The following ZAR1 variants were observed in gnomAD, a reference collection of about 807,000 sequenced individuals.
ZAR1 encodes zygote arrest 1.
ZAR1 carries 37 observed loss-of-function variants against 38.3 expected under a neutral mutation model. That is an observed-to-expected ratio of 0.97 (90% confidence interval 0.74 to 1.27). The LOEUF (loss-of-function observed/expected upper bound fraction) is 1.27, where lower values mean the gene tolerates loss of function less well. Ranked by LOEUF, ZAR1 falls within the 50% of genes most tolerant of loss-of-function variation. The pLI is 0.00. For missense variants in ZAR1, 651 were observed against 632.4 expected (o/e 1.03, Z -0.32); for synonymous variants, 336 against 292.0 (o/e 1.15, Z -1.53).
In ZAR1 at chr4:48,490,327, C is replaced by A; in HGVS notation, c.36C>A (p.Tyr12Ter). ...AALGDEVLDG[Y>*]VFPACPPCSY... ...TGGGGGACGAGGTGCTGGACGGTTA[C>A]GTGTTCCCGGCGTGCCCCCCCTGCT... Residue 12 changes from tyrosine to a stop codon, truncating the protein, a stop_gained, in exon 1 of 4, where the codon TAC becomes TAA. Coordinates refer to ENST00000327939, the MANE Select transcript of ZAR1 (RefSeq NM_175619.3). LOFTEE classifies it high-confidence loss of function. The A allele has an allele frequency of 6.6e-7, 1 of 1,514,084 alleles. No homozygotes were observed. Among genetic ancestry groups the A allele is most frequent in the South Asian group, 1.2e-5 (1 of 82,270 alleles). 93.8% of individuals were successfully genotyped at this position (1,514,084 alleles called of 1,614,324 possible). A position where few individuals can be genotyped will look rare whatever the true frequency, so the allele number is the denominator to read the frequency against.
chr4:48,491,861 C>T (rs932231205), intron 1 of ZAR1, among the ~76,000 whole-genome samples: 6 of 152,180 alleles, frequency 3.9e-5, no homozygotes, highest in Non-Finnish European at 8.8e-5. Context: ...TGTTGCTGCC[C>T]GAGGGCAGCA....
At position 48,493,072 on chromosome 4, in the gene ZAR1, G is replaced by T. The variant is rs1718490843; in HGVS notation, c.1131+60G>T. 6 of 1,512,334 alleles carry T rather than the reference G, an allele frequency of 4.0e-6. No individual in the cohort carries two copies. The South Asian group carries it at 6.8e-5, about 17-fold the overall frequency. 93.7% of individuals were successfully genotyped at this position (1,512,334 alleles called of 1,614,324 possible). A position where few individuals can be genotyped will look rare whatever the true frequency, so the allele number is the denominator to read the frequency against. ...GCAGTCGTCGAGGGTTTTTAGTATA[G>T]TTTGAGTATACTTCCAAAAAGAGGC... On this transcript the variant is annotated intron_variant, in intron 3 of 3. Coordinates refer to ENST00000327939, the MANE Select transcript of ZAR1 (RefSeq NM_175619.3).
chr4:48,496,795 G>A (rs559808085), downstream of ZAR1, among the ~76,000 whole-genome samples: 1 of 152,146 alleles, frequency 6.6e-6, no homozygotes, highest in Non-Finnish European at 1.5e-5. Flanking sequence ...TTTTCTAAAG[G>A]AACCATGGAT....
rs555231538 is a variant in ZAR1 at position 48,490,338 on chromosome 4, C to T, written c.47C>T (p.Ala16Val). 2 of 1,513,702 alleles carry T rather than the reference C, an allele frequency of 1.3e-6. No individual in the cohort carries two copies. Among genetic ancestry groups the T allele is most frequent in the African/African-American group, 1.4e-5 (1 of 69,436 alleles). 93.8% of individuals were successfully genotyped at this position (1,513,702 alleles called of 1,614,324 possible). The change falls in exon 1 of 4, where the codon GCG becomes GTG. Residue 16 changes from alanine (A) to valine (V), a missense_variant. Ala to Val is a moderately conservative substitution (Grantham distance 64, BLOSUM62 0). Transcript: ENST00000327939. ...DEVLDGYVFP[A>V]CPPCSYRYPY... ...GTGCTGGACGGTTACGTGTTCCCGG[C>T]GTGCCCCCCCTGCTCGTACCGGTAC...
chr4:48,491,721 TC>T (rs1384175928), intron 1 of ZAR1, among the ~76,000 whole-genome samples: 1 of 152,238 alleles, frequency 6.6e-6, no homozygotes, highest in Non-Finnish European at 1.5e-5. Flanking sequence ...TTCTGATTTC[TC>T]CTTTACGAGC....
At chr4:48,497,571 G>C (rs1718705420), downstream of ZAR1, 1 of 152,560 alleles carries the variant, frequency 6.6e-6, no homozygotes, top group Non-Finnish European at 1.5e-5. Context: ...CAAACCAACA[G>C]CTACAATGCT....
rs534944262 is a variant in ZAR1 at position 48,491,066 on chromosome 4, G to T, written c.775G>T (p.Gly259Cys). The T allele has an allele frequency of 1.1e-5, 14 of 1,312,834 alleles. No individual in the cohort carries two copies. The highest frequency in any genetic ancestry group is 1.3e-5 in the Non-Finnish European group (13 of 1,035,454). 81.3% of individuals were successfully genotyped at this position (1,312,834 alleles called of 1,614,324 possible). A position where few individuals can be genotyped will look rare whatever the true frequency, so the allele number is the denominator to read the frequency against. ...VRASWEQPAD[G>C]PELPPREAQE... ...AGCGAGCTGGGAGCAGCCGGCCGAC[G>T]GTCCCGAGCTGCCGCCGCGAGAGGC... Residue 259 changes from glycine to cysteine, a missense_variant, in exon 1 of 4, where the codon GGT becomes TGT. Gly to Cys is a radical substitution (Grantham distance 159). Around this residue, in one of 2 missense-constraint regions of ZAR1, gnomAD observed 522 missense variants for 459.9 expected, o/e 1.14. Transcript: ENST00000327939.
Position 48,494,369 on chromosome 4 carries a change from A to G in ZAR1, c.*125A>G. On this transcript the variant is annotated 3_prime_UTR_variant, in exon 4 of 4. Transcript: ENST00000327939. The stretch of plus-strand genomic sequence containing the variant: ...GCAGTGTATTCTGAAAAAGCCTTCA[A>G]ATAAAGGTATTGCAACACGATTTAT... The G allele has an allele frequency of 1.6e-6, 2 of 1,267,756 alleles. No homozygotes were observed. Among genetic ancestry groups the G allele is most frequent in the Non-Finnish European group, 2.2e-6 (2 of 904,380 alleles). 78.5% of individuals were successfully genotyped at this position (1,267,756 alleles called of 1,614,324 possible).
downstream of ZAR1, chr4:48,497,227 TAATA>T (rs1317119046): frequency 6.6e-6 from 1 of 152,144 alleles, no homozygotes; most frequent in Non-Finnish European, 1.5e-5. Context: ...CTAAATCAGG[TAATA>T]AATTAAGCAT....
chr4:48,491,351 G>A (rs1577772454), intron 1 of ZAR1, 97 bp downstream of exon 1: 1 of 995,126 alleles, frequency 1.0e-6, no homozygotes, highest in Non-Finnish European at 1.3e-6. Flanking sequence ...CGGAGGTGCG[G>A]CGCTTCCCTA....
In ZAR1 at chr4:48,490,874, G is replaced by A; in HGVS notation, c.583G>A (p.Glu195Lys). 1 of 1,438,176 alleles carries A rather than the reference G, an allele frequency of 7.0e-7. No individual in the cohort carries two copies. Among genetic ancestry groups the A allele is most frequent in the Non-Finnish European group, 9.1e-7 (1 of 1,099,436 alleles). The allele number at this position is 1,438,176 out of a possible 1,614,324, so 89.1% of individuals were successfully genotyped here. ...CTTGCGCCGTCTCACCGCCTTCCTG[G>A]AGGGGCCCGGGCCCGCGGCGGGCGA... ...LALRRLTAFL[E>K]GPGPAAGEQR... is the part of the protein sequence containing the mutation. The change falls in exon 1 of 4, where the codon GAG (glutamate) becomes AAG (lysine). Residue 195 changes from glutamate to lysine, a missense_variant. This residue lies in a region of ZAR1 where 522 missense variants were observed against 459.9 expected (regional missense o/e 1.14). Transcript: ENST00000327939.
chr4:48,493,973 A>G, intron 3 of ZAR1, 128 bp from the exon 4 acceptor site: 1 of 1,192,186 alleles, frequency 8.4e-7, no homozygotes, highest in Non-Finnish European at 1.1e-6. Flanking sequence ...GAGGGAAAAC[A>G]AGATTACTAT....
At position 48,494,132 on chromosome 4, in the gene ZAR1, T is replaced by A. The variant is rs764221942; in HGVS notation, c.1163T>A (p.Val388Glu). The A allele has an allele frequency of 1.7e-5, 27 of 1,614,050 alleles. No homozygotes were observed. The highest frequency in any genetic ancestry group is 2.3e-5 in the Non-Finnish European group (27 of 1,179,942). Residue 388 changes from valine to glutamate, a missense_variant, in exon 4 of 4, where the codon GTA (valine) becomes GAA (glutamate). Coordinates refer to ENST00000327939, the MANE Select transcript of ZAR1 (RefSeq NM_175619.3). The part of the protein sequence containing the change: ...SCKQTRCSCP[V>E]KLRHVDPKRP... Reference sequence around the variant, plus strand: ...AAACAAACGAGATGTTCCTGCCCAGTAAAACTTCGCCACGTGGACCCTAAA... The same window carrying A: ...AAACAAACGAGATGTTCCTGCCCAGAAAAACTTCGCCACGTGGACCCTAAA...
At chr4:48,492,663 C>A in intron 1 of ZAR1, 103 bp from the exon 2 acceptor site, 1 of 1,128,034 alleles carries the variant, frequency 8.9e-7, no homozygotes, top group Non-Finnish European at 1.3e-6. Context: ...CTTTCATGAT[C>A]TGAAGTTGCC....
chr4:48,497,282 G>A (rs1306128958), downstream of ZAR1: 1 of 152,214 alleles, frequency 6.6e-6, no homozygotes, highest in East Asian at 1.9e-4. Flanking sequence ...GGGATTCAGA[G>A]GCTGAGGAGC....
intron 1 of ZAR1, among the ~76,000 whole-genome samples, chr4:48,491,724 T>C (rs1718448947): frequency 6.6e-6 from 1 of 152,240 alleles, no homozygotes; most frequent in African/African-American, 2.4e-5. Flanking sequence ...TGATTTCTCC[T>C]TTACGAGCTT....
intron 3 of ZAR1, 86 bp from the exon 4 acceptor site, chr4:48,494,015 C>T (rs1718515927): frequency 1.7e-5 from 25 of 1,498,950 alleles, no homozygotes; most frequent in Non-Finnish European, 2.2e-5. Flanking sequence ...TCATTAAGTA[C>T]TTGAATGGAC....
At chr4:48,494,773 C>G (rs1351924603), downstream of ZAR1, among the ~76,000 whole-genome samples, 1 of 151,770 alleles carries the variant, frequency 6.6e-6, no homozygotes, top group Non-Finnish European at 1.5e-5. Context: ...TTGCATGAGA[C>G]CGTTGGAGGT....
downstream of ZAR1, among the ~76,000 whole-genome samples, chr4:48,494,858 T>TA (rs2148675233): frequency 6.6e-6 from 1 of 152,112 alleles, no homozygotes; most frequent in South Asian, 2.1e-4. Context: ...CCTTAGGAGG[T>TA]AAGCTACTAG....
Sources: gnomAD v4.1 joint callset for allele counts (sites outside exome capture counted in the v4.1 genomes callset) on GRCh38, gnomAD v4.1.1 for gene constraint, gnomAD v4.1.1 regional missense constraint, MANE v1.5 for transcripts, NCBI Gene and HGNC (gene_info 2026-07-23, HGNC 2026-07-21) for gene names.